ZNF385D: variants seen among roughly 807,000 people sequenced by gnomAD.
ZNF385D encodes zinc finger protein 385D.
In ZNF385D, 15 loss-of-function variants were observed where a neutral mutation model predicts 35.8. That is an observed-to-expected ratio of 0.42 (90% CI 0.28 to 0.64). ZNF385D has a LOEUF of 0.64. Among genes scored for constraint, ZNF385D ranks in the 30% least tolerant of loss-of-function variants. The pLI, the probability that ZNF385D is intolerant of heterozygous loss-of-function variation, is 0.23. For missense variants in ZNF385D, 474 were observed against 494.6 expected, an observed-to-expected ratio of 0.96 and a Z score of 0.39; for synonymous variants, 212 against 186.8, an observed-to-expected ratio of 1.13 and a Z score of -1.10.
Position 21,812,643 on chromosome 3 carries a change from G to A in ZNF385D, c.326-147615C>T, listed in dbSNP as rs563204414. Among the ~76,000 whole-genome samples the A allele has an allele frequency of 2.0e-5, 3 of 152,332 alleles. No individual in the cohort carries two copies. The South Asian group carries it at 6.2e-4, about 32-fold the overall frequency. On this transcript the variant is annotated intron_variant, in intron 3 of 5. Transcript: ENST00000494108. ...CGAACTGCAAGGTGGCAGCAAGGCTGGGGGAGGGGAGTGCGCCATTGCTGA... is the reference window on the plus strand; with the variant it reads ...CGAACTGCAAGGTGGCAGCAAGGCTAGGGGAGGGGAGTGCGCCATTGCTGA...
At chr3:21,853,824 A>G (rs1039415607) in intron 3 of ZNF385D, among the ~76,000 whole-genome samples, 1 of 151,892 alleles carries the variant, frequency 6.6e-6, no homozygotes, top group African/African-American at 2.4e-5. Flanking sequence ...TCATTAAAAT[A>G]TAAAGCTGAA....
At chr3:21,825,899 C>T (rs1202861500) in intron 3 of ZNF385D, among the ~76,000 whole-genome samples, 1 of 152,144 alleles carries the variant, frequency 6.6e-6, no homozygotes, top group African/African-American at 2.4e-5. Context: ...CGCTCCTTTC[C>T]CACCAGCGGG....
intron 3 of ZNF385D, among the ~76,000 whole-genome samples, chr3:22,049,718 T>C (rs1699229837): frequency 6.6e-6 from 1 of 152,208 alleles, no homozygotes; most frequent in African/African-American, 2.4e-5. Flanking sequence ...AGATTTGTTA[T>C]CATGACAAGA....
chr3:21,799,156 A>C (rs539414283), intron 3 of ZNF385D, among the ~76,000 whole-genome samples: 1 of 152,350 alleles, frequency 6.6e-6, no homozygotes, highest in South Asian at 2.1e-4. Flanking sequence ...TGGCAGAAAC[A>C]TACTCTGCTG....
intron 3 of ZNF385D, among the ~76,000 whole-genome samples, chr3:22,061,060 G>A (rs570050528): frequency 6.6e-6 from 1 of 152,206 alleles, no homozygotes; most frequent in South Asian, 2.1e-4. Context: ...TCTGAGGGCA[G>A]TATTAATATT....
chr3:21,660,288 C>A (rs1334492451), intron 2 of ZNF385D, among the ~76,000 whole-genome samples: 2 of 152,144 alleles, frequency 1.3e-5, no homozygotes, highest in Non-Finnish European at 2.9e-5. Context: ...AAGTTATCCT[C>A]TTTTATTGCT....
Position 22,160,448 on chromosome 3 carries a change from C to T in ZNF385D, c.325+8369G>A, listed in dbSNP as rs370922682. 9.2e-5 allele frequency among the ~76,000 whole-genome samples: 14 copies of T among 151,726 alleles called. No individual in the cohort carries two copies. In the East Asian group the frequency reaches 1.9e-3, roughly 21 times the overall value. ...ATACATAAAATCAAGGCCTGAAGTA[C>T]GATAAAAATCTATGAAGCTATTTTA... On this transcript the variant is annotated intron_variant, in intron 3 of 5. Transcript: ENST00000494108.
At chr3:21,954,518 C>A (rs1404489824) in intron 3 of ZNF385D, among the ~76,000 whole-genome samples, 1 of 151,908 alleles carries the variant, frequency 6.6e-6, no homozygotes, top group Non-Finnish European at 1.5e-5. Context: ...ATTTTAGTGT[C>A]TTAGTAATAT....
At position 21,543,366 on chromosome 3, in the gene ZNF385D, A is replaced by T. The variant is rs1575139224; in HGVS notation, c.276+21208T>A. Among the ~76,000 whole-genome samples, 2 of 152,330 alleles carry T rather than the reference A, an allele frequency of 1.3e-5. 1 individual carries two copies. Among genetic ancestry groups the T allele is most frequent in the South Asian group, 4.1e-4 (2 of 4,828 alleles). On this transcript the variant is annotated intron_variant, in intron 3 of 7. Transcript: ENST00000281523. ...ACTTTTCATCCTGCAACTTCTGAGCATATGGGAGACCGCTCCCCACCCCTT... is the reference window on the plus strand; with the variant it reads ...ACTTTTCATCCTGCAACTTCTGAGCTTATGGGAGACCGCTCCCCACCCCTT...
chr3:22,224,853 T>C (rs1698462463), intron 2 of ZNF385D, among the ~76,000 whole-genome samples: 1 of 152,060 alleles, frequency 6.6e-6, no homozygotes, highest in African/African-American at 2.4e-5. Context: ...GGAGCCAGAG[T>C]TGGCACCTCT....
At chr3:22,237,838 T>TTTTACAATTTGTGC (rs1297464360) in intron 2 of ZNF385D, among the ~76,000 whole-genome samples, 10 of 151,256 alleles carry the variant, frequency 6.6e-5, no homozygotes, top group South Asian at 2.1e-4. Context: ...GAGGTGGGGT[T>TTTTACAATTTGTGC]TCACCACATT....
At chr3:21,615,886 G>T (rs1412003684) in intron 2 of ZNF385D, among the ~76,000 whole-genome samples, 3 of 151,724 alleles carry the variant, frequency 2.0e-5, no homozygotes, top group Non-Finnish European at 4.4e-5. Context: ...GGCATACCAA[G>T]CTAATCTAAA....
intron 3 of ZNF385D, among the ~76,000 whole-genome samples, chr3:22,073,658 G>A (rs1270185897): frequency 6.6e-6 from 1 of 151,792 alleles, no homozygotes; most frequent in African/African-American, 2.4e-5. Context: ...TGTAACAGGA[G>A]CATAGTACCA....
At chr3:21,777,785 C>A (rs922054754) in intron 3 of ZNF385D, 2 of 151,860 alleles carry the variant, frequency 1.3e-5, no homozygotes, top group African/African-American at 2.4e-5. Flanking sequence ...ATGAGCTCTG[C>A]CATATTTTAG....
In ZNF385D at chr3:21,917,635, G is replaced by A. The variant is rs185750595; in HGVS notation, c.325+251182C>T. ...ATAAACTCTCAGCTTTCTGCTTCAC[G>A]TTATAGAGTTTTAAAGTCATATACA... is the stretch of plus-strand genomic sequence containing the variant. On this transcript the variant is annotated intron_variant, in intron 3 of 5. Coordinates refer to the ZNF385D transcript ENST00000494108. Among the ~76,000 whole-genome samples the A allele has an allele frequency of 2.2e-4, 33 of 152,194 alleles. No individual in the cohort carries two copies. In the East Asian group the frequency reaches 4.6e-3, roughly 21 times the overall value.
intron 3 of ZNF385D, among the ~76,000 whole-genome samples, chr3:21,954,549 A>T (rs1183970469): frequency 6.6e-6 from 1 of 152,074 alleles, no homozygotes; most frequent in Non-Finnish European, 1.5e-5. Context: ...CCCCTAGGCC[A>T]AAAGAAATAT....
chr3:21,920,219 C>A, intron 3 of ZNF385D, among the ~76,000 whole-genome samples: 1 of 152,156 alleles, frequency 6.6e-6, no homozygotes, highest in Non-Finnish European at 1.5e-5. Flanking sequence ...TTATGGGACT[C>A]TGTCTCCACA....
chr3:21,813,514 G>GATTTAAGCC (rs930270091), intron 3 of ZNF385D, among the ~76,000 whole-genome samples: 4 of 152,164 alleles, frequency 2.6e-5, no homozygotes, highest in Admixed American at 6.5e-5. Flanking sequence ...TAAATGACCT[G>GATTTAAGCC]ATGGAGCTGA....
chr3:21,853,715 C>T (rs1184539663), intron 3 of ZNF385D, among the ~76,000 whole-genome samples: 1 of 151,688 alleles, frequency 6.6e-6, no homozygotes, highest in Non-Finnish European at 1.5e-5. Flanking sequence ...GTCATTTCAT[C>T]ACGATGAGTG....
Sources: gnomAD v4.1 joint callset for allele counts (sites outside exome capture counted in the v4.1 genomes callset) on GRCh38, gnomAD v4.1.1 for gene constraint, MANE v1.5 for transcripts, NCBI Gene and HGNC (gene_info 2026-07-23, HGNC 2026-07-21) for gene names.